The following ARFGEF2 variants were observed in gnomAD, a reference collection of about 807,000 sequenced individuals.
The protein encoded by ARFGEF2 is brefeldin A-inhibited guanine nucleotide-exchange protein 2.
Under a neutral mutation model 219.9 loss-of-function variants are expected in ARFGEF2, and 74 were observed. The ratio of observed to expected loss-of-function variants is 0.34; its 90% CI spans 0.28 to 0.41. The LOEUF (loss-of-function observed/expected upper bound fraction) is 0.41. Ranked by LOEUF, ARFGEF2 falls within the 10% of genes least tolerant of loss-of-function variation. The pLI is 1.00. For missense variants in ARFGEF2, 1,743 were observed against 2,218.3 expected (o/e 0.79, Z 4.30); for synonymous variants, 733 against 799.2 (o/e 0.92, Z 1.40).
intron 25 of ARFGEF2, among the ~76,000 whole-genome samples, chr20:49,000,960 GAA>G (rs1490882046): frequency 6.6e-6 from 1 of 152,050 alleles, no homozygotes; most frequent in Non-Finnish European, 1.5e-5. Flanking sequence ...TGGCAGGTGG[GAA>G]CCAGACATTT....
intron 3 of ARFGEF2, among the ~76,000 whole-genome samples, chr20:48,947,294 G>C (rs2091034520): frequency 6.6e-6 from 1 of 152,076 alleles, no homozygotes; most frequent in South Asian, 2.1e-4. Flanking sequence ...CAGCTACTTG[G>C]GAGGCTGAGG....
chr20:48,992,494 C>T (rs2091362622), intron 21 of ARFGEF2, among the ~76,000 whole-genome samples: 1 of 152,170 alleles, frequency 6.6e-6, no homozygotes, highest in South Asian at 2.1e-4. Context: ...AGCCTGGCAA[C>T]TGGGGTCTGA....
chr20:48,963,191 T>C (rs1422859471), intron 6 of ARFGEF2, among the ~76,000 whole-genome samples: 1 of 102,098 alleles, frequency 9.8e-6, no homozygotes, highest in Non-Finnish European at 2.0e-5. Context: ...AAAAAAAAAG[T>C]AATGTTTACT....
intron 1 of ARFGEF2, among the ~76,000 whole-genome samples, chr20:48,935,508 C>A (rs1277488636): frequency 6.6e-6 from 1 of 152,138 alleles, no homozygotes; most frequent in African/African-American, 2.4e-5. Flanking sequence ...TACACAGACA[C>A]GGCAACCATC....
chr20:49,002,716 ATTCTCT>A (rs2091432459), intron 25 of ARFGEF2, among the ~76,000 whole-genome samples: 1 of 152,066 alleles, frequency 6.6e-6, no homozygotes, highest in East Asian at 1.9e-4. Context: ...GGTTCAAGCA[ATTCTCT>A]TGCCTCAGCC....
rs749791242 is a variant in ARFGEF2 at position 49,013,839 on chromosome 20, C to T, written c.4058C>T (p.Thr1353Ile). The T allele has an allele frequency of 1.9e-6, 3 of 1,614,132 alleles. No individual in the cohort carries two copies. Among genetic ancestry groups the T allele is most frequent in the Non-Finnish European group, 2.5e-6 (3 of 1,180,026 alleles). Residue 1353 changes from threonine (T) to isoleucine (I), a missense_variant, in exon 30 of 39, where the codon ACA (threonine) becomes ATA (isoleucine). Coordinates refer to ENST00000371917, the MANE Select transcript of ARFGEF2 (RefSeq NM_006420.3). ...GACTTTGTTTCCTCCAGGGGACTCACAGTCATGTTTGAGATCATGAAGAGC... is the reference window on the plus strand; with the variant it reads ...GACTTTGTTTCCTCCAGGGGACTCATAGTCATGTTTGAGATCATGAAGAGC... ...CKLDVRTRGL[T>I]VMFEIMKSYG...
intron 26 of ARFGEF2, among the ~76,000 whole-genome samples, chr20:49,009,751 C>T (rs1489343809): frequency 6.6e-6 from 1 of 151,958 alleles, no homozygotes; most frequent in Non-Finnish European, 1.5e-5. Flanking sequence ...TAGGTATATC[C>T]CTACCCAAAA....
intron 25 of ARFGEF2, among the ~76,000 whole-genome samples, chr20:49,001,129 CCT>C (rs2091422691): frequency 6.9e-6 from 1 of 144,954 alleles, no homozygotes. Flanking sequence ...AGCTTGATCT[CCT>C]CTCATTGCAA....
intron 34 of ARFGEF2, among the ~76,000 whole-genome samples, chr20:49,020,326 A>G (rs1441883322): frequency 6.6e-6 from 1 of 152,262 alleles, no homozygotes; most frequent in Non-Finnish European, 1.5e-5. Flanking sequence ...TTTAGAAGGA[A>G]TAAAAGTAGT....
chr20:49,028,069 C>T (rs917760569), intron 36 of ARFGEF2, among the ~76,000 whole-genome samples: 4 of 152,106 alleles, frequency 2.6e-5, no homozygotes, highest in African/African-American at 7.2e-5. Context: ...ACCAGCCTGA[C>T]CAACATGGAG....
Position 48,941,912 on chromosome 20 carries a change from G to A in ARFGEF2, c.201G>A (p.Lys67=). Residue 67 remains lysine (K), a synonymous_variant, in exon 3 of 39, where the codon AAG becomes AAA. Transcript: ENST00000371917. Reference sequence around the variant, plus strand: ...AGGCAAACTTCATTGAAGCTGACAAGTATTTTCTTCCATTCGAGCTAGCTT... The same window carrying A: ...AGGCAAACTTCATTGAAGCTGACAAATATTTTCTTCCATTCGAGCTAGCTT... ...PPKANFIEAD[K]YFLPFELACQ... is the part of the protein sequence containing the mutation. 1 of 1,614,216 alleles carries A rather than the reference G, an allele frequency of 6.2e-7. No homozygotes were observed. Among genetic ancestry groups the A allele is most frequent in the Non-Finnish European group, 8.5e-7 (1 of 1,180,034 alleles).
rs1368682219 is a variant in ARFGEF2, at chr20:49,033,527, G to A, written c.*328G>A. On this transcript the variant is annotated 3_prime_UTR_variant, in exon 39 of 39. Coordinates refer to ENST00000371917, the MANE Select transcript of ARFGEF2 (RefSeq NM_006420.3). ...TCCCATGATTGGCTATAAACGTTTT[G>A]TAAGAAGTCACTCTCCTTGAAAATA... The A allele has an allele frequency of 3.2e-6, 1 of 314,292 alleles. No homozygotes were observed. The highest frequency in any genetic ancestry group is 6.6e-5 in the East Asian group (1 of 15,212). 19.5% of individuals were successfully genotyped at this position (314,292 alleles called of 1,614,324 possible).
chr20:49,022,154 C>CA (rs58870256), intron 34 of ARFGEF2, among the ~76,000 whole-genome samples: 16,686 of 69,686 alleles, frequency 0.24, 2,076 homozygotes, highest in East Asian at 0.38. Flanking sequence ...GACTCCGTCT[C>CA]AAAAAAAAAA....
At chr20:48,959,535 C>A (rs1320048442) in intron 6 of ARFGEF2, among the ~76,000 whole-genome samples, 1 of 64,908 alleles carries the variant, frequency 1.5e-5, no homozygotes, top group Non-Finnish European at 3.0e-5. Flanking sequence ...CTTTCCCTCC[C>A]TCCCTCTGTC....
intron 33 of ARFGEF2, among the ~76,000 whole-genome samples, chr20:49,018,111 A>T (rs2091542187): frequency 6.6e-6 from 1 of 152,234 alleles, no homozygotes; most frequent in Non-Finnish European, 1.5e-5. Context: ...ACTTTTAAAT[A>T]CTTTGGTTTA....
In ARFGEF2 at chr20:48,971,200, C is replaced by A. The variant is rs2091225328; in HGVS notation, c.1271C>A (p.Thr424Asn). Residue 424 changes from threonine to asparagine, a missense_variant, in exon 10 of 39, where the codon ACT becomes AAT. Physicochemically the swap from Thr to Asn is moderately conservative, Grantham distance 65. Coordinates refer to ENST00000371917, the MANE Select transcript of ARFGEF2 (RefSeq NM_006420.3). ...VLQNAGPVFR[T>N]HEMFINAIKQ... ...CAAAATGCTGGCCCCGTATTCAGGA[C>A]TCACGAGATGTTCATCAATGCAATC... 6.2e-7 allele frequency: 1 copy of A among 1,614,076 alleles called. No homozygotes were observed. Among genetic ancestry groups the A allele is most frequent in the African/African-American group, 1.3e-5 (1 of 74,914 alleles).
intron 6 of ARFGEF2, among the ~76,000 whole-genome samples, chr20:48,960,582 C>T (rs2091141687): frequency 1.3e-5 from 2 of 151,900 alleles, no homozygotes; most frequent in South Asian, 4.2e-4. Flanking sequence ...CTCCCAGGTT[C>T]AAGTGATTCT....
intron 3 of ARFGEF2, among the ~76,000 whole-genome samples, chr20:48,946,625 A>G (rs2091029784): frequency 6.6e-6 from 1 of 152,150 alleles, no homozygotes; most frequent in South Asian, 2.1e-4. Context: ...CCCCAGGCTC[A>G]GGTGATCCTC....
At position 48,950,811 on chromosome 20, in the gene ARFGEF2, A is replaced by AAAATATAT. The variant is rs1176537072; in HGVS notation, c.277-511_277-510insAATATATA. On this transcript the variant is annotated intron_variant, in intron 3 of 38. Transcript: ENST00000371917. Reference sequence around the variant, plus strand: ...ACCCTGTCTAAAAAAAAAAAAAAAAAATATATATATATATATATATATATA... The same window carrying AAAATATAT: ...ACCCTGTCTAAAAAAAAAAAAAAAAAAAATATATATATATATATATATATATATATATA... Among the ~76,000 whole-genome samples, 66 of 64,494 alleles carry AAAATATAT rather than the reference A, an allele frequency of 1.0e-3. 2 individuals are homozygous for AAAATATAT. The highest frequency in any genetic ancestry group is 1.4e-3 in the Non-Finnish European group (55 of 38,448). The allele number at this position is 64,494 out of a possible 152,430, so 42.3% of individuals were successfully genotyped here.
Sources: allele counts gnomAD v4.1 joint callset (sites outside exome capture counted in the v4.1 genomes callset), GRCh38; gene constraint gnomAD v4.1.1; transcripts MANE v1.5; gene names NCBI Gene and HGNC (gene_info 2026-07-23, HGNC 2026-07-21).